Variants in CDH13 observed in about 807,000 individuals in gnomAD.
CDH13 encodes cadherin-13.
A neutral mutation model predicts 63.8 loss-of-function variants in CDH13; 24 were observed. That is an observed-to-expected ratio of 0.38 (90% CI 0.27 to 0.53). The LOEUF (loss-of-function observed/expected upper bound fraction) is 0.53. Ranked by LOEUF, CDH13 falls within the 20% of genes least tolerant of loss-of-function variation. CDH13 has a pLI of 0.85. For missense variants in CDH13, 1,049 were observed against 903.1 expected (o/e 1.16, Z -2.07); for synonymous variants, 503 against 355.3 (o/e 1.42, Z -4.67).
chr16:82,994,581 A>G (rs571182640), intron 2 of CDH13, among the ~76,000 whole-genome samples: 1 of 152,356 alleles, frequency 6.6e-6, no homozygotes, highest in East Asian at 1.9e-4. Context: ...AAGAGCTGAT[A>G]TACTGAACAA....
At chr16:83,644,872 A>G (rs1329842995) in intron 8 of CDH13, among the ~76,000 whole-genome samples, 1 of 152,244 alleles carries the variant, frequency 6.6e-6, no homozygotes, top group Non-Finnish European at 1.5e-5. Context: ...ACAGCAAGGC[A>G]GGAGCAGATA....
In CDH13 at chr16:83,133,304, C is replaced by T. The variant is rs188994855; in HGVS notation, c.483+7803C>T. Among the ~76,000 whole-genome samples the T allele has an allele frequency of 5.7e-3, 873 of 152,190 alleles. 4 individuals are homozygous for T. Among genetic ancestry groups the T allele is most frequent in the African/African-American group, 0.02 (813 of 41,530 alleles). ...CATTGGATTTCAAAAGCTTATCACACGAACACAAAAAGAATGGAAAATGTC... is the reference window on the plus strand; with the variant it reads ...CATTGGATTTCAAAAGCTTATCACATGAACACAAAAAGAATGGAAAATGTC... On this transcript the variant is annotated intron_variant, in intron 4 of 13. Transcript: ENST00000567109.
At chr16:82,654,249 A>G (rs1418189092) in intron 1 of CDH13, among the ~76,000 whole-genome samples, 2 of 152,184 alleles carry the variant, frequency 1.3e-5, no homozygotes, top group African/African-American at 4.8e-5. Context: ...ACCTCTGGAC[A>G]GTGTCTTTGG....
rs1415118762 is a variant in CDH13, at chr16:82,644,010, T to A, written c.45+16873T>A. ...AGTGATCCTCCAGGAGTAGCTGGCA[T>A]TACAGGCTTGGCTGACTTTTAAAAG... On this transcript the variant is annotated intron_variant, in intron 1 of 13. Coordinates refer to ENST00000567109, the MANE Select transcript of CDH13 (RefSeq NM_001257.5). The surrounding 1 kb of genome is among the most constrained non-coding windows in gnomAD (Gnocchi z 5.7). 1.3e-5 allele frequency among the ~76,000 whole-genome samples: 2 copies of A among 152,124 alleles called. No individual in the cohort carries two copies. Among genetic ancestry groups the A allele is most frequent in the Non-Finnish European group, 2.9e-5 (2 of 68,022 alleles).
chr16:83,028,741 CTT>C (rs1916044303), intron 2 of CDH13, among the ~76,000 whole-genome samples: 1 of 152,134 alleles, frequency 6.6e-6, no homozygotes, highest in Non-Finnish European at 1.5e-5. Context: ...CAATTTGAAA[CTT>C]ATGAATTGTT....
At chr16:83,102,924 CTTTTTCTTTTTT>C in intron 3 of CDH13, among the ~76,000 whole-genome samples, 1 of 58,436 alleles carries the variant, frequency 1.7e-5, no homozygotes. Flanking sequence ...TTTTTTTTTT[CTTTTTCTTTTTT>C]TTTTTCTTTT....
At chr16:82,843,894 C>G (rs1024944223) in intron 1 of CDH13, among the ~76,000 whole-genome samples, 2 of 152,180 alleles carry the variant, frequency 1.3e-5, no homozygotes, top group African/African-American at 2.4e-5. Flanking sequence ...TCAGTGAGGT[C>G]TTCGTTTAGG....
intron 6 of CDH13, among the ~76,000 whole-genome samples, chr16:83,389,872 C>T (rs1035010704): frequency 6.6e-6 from 1 of 152,194 alleles, no homozygotes; most frequent in South Asian, 2.1e-4. Flanking sequence ...AAGAACATTG[C>T]CCTGTGCATC....
intron 4 of CDH13, among the ~76,000 whole-genome samples, chr16:83,208,963 C>T (rs563978883): frequency 6.6e-6 from 1 of 152,208 alleles, no homozygotes; most frequent in East Asian, 1.9e-4. Context: ...GGTATTAAGT[C>T]CCTTTTCAAC....
intron 3 of CDH13, among the ~76,000 whole-genome samples, chr16:83,096,685 T>G (rs911565967): frequency 2.0e-5 from 3 of 152,170 alleles, no homozygotes; most frequent in African/African-American, 7.2e-5. Context: ...TTGGACTGAG[T>G]GCAATTATAT....
intron 5 of CDH13, among the ~76,000 whole-genome samples, chr16:83,304,111 G>A (rs947342748): frequency 6.6e-5 from 10 of 152,204 alleles, no homozygotes; most frequent in African/African-American, 2.4e-4. Context: ...TATGGGGGTA[G>A]CGCAGAGTCC....
At chr16:83,684,441 C>T (rs1335213602) in intron 10 of CDH13, among the ~76,000 whole-genome samples, 1 of 152,170 alleles carries the variant, frequency 6.6e-6, no homozygotes, top group East Asian at 1.9e-4. Context: ...TAAACCTTCT[C>T]CTACAGTGAA....
chr16:83,226,554 G>A (rs1412087644), intron 5 of CDH13, among the ~76,000 whole-genome samples: 2 of 152,182 alleles, frequency 1.3e-5, no homozygotes, highest in African/African-American at 4.8e-5. Context: ...ATAAATGACA[G>A]GATGGCTACC....
intron 1 of CDH13, among the ~76,000 whole-genome samples, chr16:82,663,910 C>G (rs1003828756): frequency 6.6e-6 from 1 of 152,212 alleles, no homozygotes; most frequent in African/African-American, 2.4e-5. Flanking sequence ...TACCCTCCCT[C>G]CTCCTACCAT....
intron 10 of CDH13, among the ~76,000 whole-genome samples, chr16:83,715,421 T>C (rs193207714): frequency 4.3e-4 from 66 of 152,280 alleles, no homozygotes; most frequent in Middle Eastern, 6.8e-3. Flanking sequence ...TGTTTTAGCA[T>C]TTTCGAGTAT....
intron 4 of CDH13, among the ~76,000 whole-genome samples, chr16:83,169,688 C>T (rs1567471547): frequency 6.6e-6 from 1 of 152,086 alleles, no homozygotes; most frequent in South Asian, 2.1e-4. Flanking sequence ...GGATATTAAT[C>T]TCTTGCCTGT....
chr16:83,418,106 G>C (rs1453433518), intron 6 of CDH13, among the ~76,000 whole-genome samples: 3 of 152,166 alleles, frequency 2.0e-5, no homozygotes, highest in South Asian at 4.1e-4. Flanking sequence ...AAAATATTCA[G>C]TGTTCAAATG....
intron 1 of CDH13, among the ~76,000 whole-genome samples, chr16:82,783,660 G>A (rs1019228670): frequency 1.3e-5 from 2 of 152,214 alleles, no homozygotes; most frequent in African/African-American, 4.8e-5. Flanking sequence ...CTTGTTCAAT[G>A]AGATTCTAAT....
intron 1 of CDH13, among the ~76,000 whole-genome samples, chr16:82,665,398 G>C (rs1350092946): frequency 6.6e-6 from 1 of 152,078 alleles, no homozygotes; most frequent in Non-Finnish European, 1.5e-5. Context: ...CGTAAAACAA[G>C]GTTATATATT....
Sources: allele counts gnomAD v4.1 joint callset (sites outside exome capture counted in the v4.1 genomes callset), GRCh38; gene constraint gnomAD v4.1.1; non-coding constraint Gnocchi (gnomAD v3.1); transcripts MANE v1.5; gene names NCBI Gene and HGNC (gene_info 2026-07-23, HGNC 2026-07-21).